Variants in DPP10 observed in about 807,000 individuals in gnomAD.
DPP10 encodes the protein dipeptidyl peptidase like 10.
A neutral mutation model predicts 120.9 loss-of-function variants in DPP10; 33 were observed. The ratio of observed to expected loss-of-function variants is 0.27; its 90% CI spans 0.21 to 0.37. The LOEUF (loss-of-function observed/expected upper bound fraction) is 0.37. Among genes scored for constraint, DPP10 ranks in the 10% least tolerant of loss-of-function variants. The probability of loss-of-function intolerance (pLI) is 1.00; values close to 1 mark genes in which losing one functional copy is unlikely to be tolerated. For synonymous variants in DPP10, 337 were observed against 326.1 expected (o/e 1.03, Z -0.36); for missense variants, 816 against 942.8 (o/e 0.87, Z 1.76).
At chr2:115,265,971 TGAA>T (rs2059446117) in intron 1 of DPP10, among the ~76,000 whole-genome samples, 1 of 149,922 alleles carries the variant, frequency 6.7e-6, no homozygotes, top group Non-Finnish European at 1.5e-5. Context: ...ATTTAGAAAA[TGAA>T]GAAGCTTATT....
intron 5 of DPP10, among the ~76,000 whole-genome samples, chr2:115,606,050 A>G (rs1160363710): frequency 6.6e-6 from 1 of 152,138 alleles, no homozygotes; most frequent in Non-Finnish European, 1.5e-5. Flanking sequence ...ATTTAAATTG[A>G]CCTACGAGTT....
In DPP10 at chr2:114,983,080, T is replaced by C. The variant is rs13387152; in HGVS notation, c.61-326159T>C. Among the ~76,000 whole-genome samples, 1,112 of 152,286 alleles carry C rather than the reference T, an allele frequency of 7.3e-3. 16 individuals carry two copies. Among genetic ancestry groups the C allele is most frequent in the African/African-American group, 0.025 (1,041 of 41,556 alleles). On this transcript the variant is annotated intron_variant, in intron 1 of 25. Coordinates refer to ENST00000410059, the MANE Select transcript of DPP10 (RefSeq NM_020868.6). ...CAACACTATTCAGAGCTAAGACGCA[T>C]TATAACTAATGATGCATTATATACA...
chr2:114,634,151 G>A (rs1288862673), intron 1 of DPP10, among the ~76,000 whole-genome samples: 1 of 151,730 alleles, frequency 6.6e-6, no homozygotes, highest in Non-Finnish European at 1.5e-5. Context: ...AGTTCATTTG[G>A]TAAACCAAAT....
At chr2:115,208,367 T>C (rs1232431111) in intron 1 of DPP10, among the ~76,000 whole-genome samples, 1 of 152,064 alleles carries the variant, frequency 6.6e-6, no homozygotes, top group Non-Finnish European at 1.5e-5. Context: ...ACCCGGCTAA[T>C]TTATCTCGCT....
At chr2:114,663,674 G>T (rs1454007542) in intron 1 of DPP10, among the ~76,000 whole-genome samples, 76 of 134,814 alleles carry the variant, frequency 5.6e-4, no homozygotes, top group East Asian at 1.2e-3. Context: ...TATATAGAGA[G>T]AGAGAGAGAG....
At chr2:115,799,418 CTTTTA>C (rs1684909972) in intron 19 of DPP10, among the ~76,000 whole-genome samples, 1 of 151,584 alleles carries the variant, frequency 6.6e-6, no homozygotes, top group Non-Finnish European at 1.5e-5. Flanking sequence ...ACTTCCTATG[CTTTTA>C]TTTTTTCTTT....
chr2:114,566,299 T>TGAAA (rs1205258542), intron 1 of DPP10, among the ~76,000 whole-genome samples: 2 of 152,074 alleles, frequency 1.3e-5, no homozygotes, highest in Non-Finnish European at 2.9e-5. Flanking sequence ...TACTACACAG[T>TGAAA]GAAAAACACT....
chr2:115,259,341 G>T (rs1195751233), intron 1 of DPP10, among the ~76,000 whole-genome samples: 1 of 151,934 alleles, frequency 6.6e-6, no homozygotes, highest in Non-Finnish European at 1.5e-5. Context: ...AAAATTAGAT[G>T]GGCCTGGAGG....
At chr2:114,786,272 A>G (rs759465981) in intron 1 of DPP10, among the ~76,000 whole-genome samples, 1 of 152,152 alleles carries the variant, frequency 6.6e-6, no homozygotes, top group Non-Finnish European at 1.5e-5. Context: ...TCCTTTAACT[A>G]TTTACCTTAA....
chr2:114,460,078 C>T (rs73946158), intron 1 of DPP10, among the ~76,000 whole-genome samples: 2,943 of 152,196 alleles, frequency 0.019, 81 homozygotes, highest in African/African-American at 0.062. Flanking sequence ...ACCAGCAATA[C>T]GCTGAGATGA....
rs1371017013 is a variant in DPP10, at chr2:114,834,610, TATCTAA to T, written c.60+391773_60+391778del. Among the ~76,000 whole-genome samples the T allele has an allele frequency of 2.1e-3, 282 of 134,118 alleles. 2 individuals are homozygous for T. Among genetic ancestry groups the T allele is most frequent in the Admixed American group, 2.8e-3 (38 of 13,514 alleles). 88.0% of individuals were successfully genotyped at this position (134,118 alleles called of 152,430 possible). On this transcript the variant is annotated intron_variant, in intron 1 of 25. Transcript: ENST00000410059. ...TACGCACCTATGTATATATAAGCCATATCTAAGCACCTATGTATATATAAGCCATAT... is the reference window on the plus strand; with the variant it reads ...TACGCACCTATGTATATATAAGCCATGCACCTATGTATATATAAGCCATAT...
At chr2:115,535,198 C>A (rs1229696583) in intron 5 of DPP10, among the ~76,000 whole-genome samples, 1 of 151,900 alleles carries the variant, frequency 6.6e-6, no homozygotes, top group African/African-American at 2.4e-5. Flanking sequence ...ATGCCTATGT[C>A]CTGAATGGTA....
intron 1 of DPP10, among the ~76,000 whole-genome samples, chr2:115,215,476 A>G (rs1242738225): frequency 2.6e-5 from 4 of 152,200 alleles, no homozygotes; most frequent in Admixed American, 2.6e-4. Context: ...TATTAAAAAT[A>G]GTTCACATGT....
intron 1 of DPP10, among the ~76,000 whole-genome samples, chr2:114,640,088 C>G (rs1356260898): frequency 6.6e-6 from 1 of 151,912 alleles, no homozygotes. Context: ...AACATTTCAG[C>G]TGCTATTTCT....
intron 1 of DPP10, among the ~76,000 whole-genome samples, chr2:114,547,299 G>T (rs1032359134): frequency 1.3e-5 from 2 of 152,192 alleles, no homozygotes; most frequent in African/African-American, 4.8e-5. Context: ...CTCCACTCCT[G>T]CCCAGTCACG....
chr2:115,038,258 TTTTATTTA>T (rs80087104), intron 1 of DPP10, among the ~76,000 whole-genome samples: 3 of 149,996 alleles, frequency 2.0e-5, no homozygotes, highest in African/African-American at 7.3e-5. Context: ...TTATTTATTA[TTTTATTTA>T]TTTATTTATT....
chr2:115,283,749 G>A (rs140942704), intron 1 of DPP10, among the ~76,000 whole-genome samples: 106 of 151,972 alleles, frequency 7.0e-4, no homozygotes, highest in African/African-American at 2.5e-3. Context: ...ACAGTGTTTC[G>A]GTCAGTGATG....
At position 114,980,571 on chromosome 2, in the gene DPP10, G is replaced by A. The variant is rs973252325; in HGVS notation, c.61-328668G>A. Among the ~76,000 whole-genome samples, 4 of 144,176 alleles carry A rather than the reference G, an allele frequency of 2.8e-5. No homozygotes were observed. The Admixed American group carries it at 2.8e-4, about 10-fold the overall frequency. 94.6% of individuals were successfully genotyped at this position (144,176 alleles called of 152,430 possible). On this transcript the variant is annotated intron_variant, in intron 1 of 25. Coordinates refer to ENST00000410059, the MANE Select transcript of DPP10 (RefSeq NM_020868.6). Reference sequence around the variant, plus strand: ...ATTATCTGTTACCTATATGATGTACGAAAAAGAAAAAGTCACACTTCATAC... The same window carrying A: ...ATTATCTGTTACCTATATGATGTACAAAAAAGAAAAAGTCACACTTCATAC...
intron 5 of DPP10, among the ~76,000 whole-genome samples, chr2:115,610,470 T>TACG (rs1553461134): frequency 1.3e-5 from 2 of 151,834 alleles, no homozygotes; most frequent in Admixed American, 1.3e-4. Flanking sequence ...GCTTGAAGGC[T>TACG]ATGTACCACA....
Sources: allele counts gnomAD v4.1 joint callset (sites outside exome capture counted in the v4.1 genomes callset), GRCh38; gene constraint gnomAD v4.1.1; transcripts MANE v1.5; gene names NCBI Gene and HGNC (gene_info 2026-07-23, HGNC 2026-07-21).